GPC6: variants seen among roughly 807,000 people sequenced by gnomAD.
GPC6 encodes the protein glypican 6.
GPC6 carries 14 observed loss-of-function variants against 55.2 expected under a neutral mutation model. That is an observed-to-expected ratio of 0.25 (90% CI 0.17 to 0.40). The LOEUF (loss-of-function observed/expected upper bound fraction) is 0.40. GPC6 is among the 10% of genes least tolerant of loss of function. The pLI is 1.00. For missense variants in GPC6, 641 were observed against 708.5 expected (o/e 0.90, Z 1.08); for synonymous variants, 278 against 259.6 (o/e 1.07, Z -0.68).
intron 2 of GPC6, among the ~76,000 whole-genome samples, chr13:93,779,303 A>G (rs1162854109): frequency 6.6e-6 from 1 of 152,142 alleles, no homozygotes; most frequent in Non-Finnish European, 1.5e-5. Context: ...TATTTTTTGT[A>G]TAAGAAAAAT....
intron 4 of GPC6, among the ~76,000 whole-genome samples, chr13:94,261,839 A>G (rs1000870163): frequency 2.6e-5 from 4 of 152,232 alleles, no homozygotes; most frequent in Admixed American, 6.5e-5. Context: ...CCAAAACCAG[A>G]TGAATATGAA....
chr13:93,406,364 C>T (rs1876290442), intron 1 of GPC6, among the ~76,000 whole-genome samples: 1 of 152,138 alleles, frequency 6.6e-6, no homozygotes, highest in Admixed American at 6.6e-5. Flanking sequence ...GCCATCTGGA[C>T]TCTGCAGTGA....
intron 4 of GPC6, among the ~76,000 whole-genome samples, chr13:94,030,943 T>G (rs1883099764): frequency 1.3e-5 from 2 of 152,188 alleles, no homozygotes; most frequent in Non-Finnish European, 2.9e-5. Context: ...GAAAGTTAAG[T>G]GTTTTAAGCA....
chr13:93,596,725 AGT>A (rs1308198080), intron 2 of GPC6, among the ~76,000 whole-genome samples: 47 of 148,158 alleles, frequency 3.2e-4, no homozygotes, highest in Non-Finnish European at 5.9e-4. Context: ...CACATATATA[AGT>A]GTATATGCAT....
At chr13:94,151,049 G>A (rs1887721797) in intron 4 of GPC6, among the ~76,000 whole-genome samples, 1 of 151,766 alleles carries the variant, frequency 6.6e-6, no homozygotes, top group African/African-American at 2.4e-5. Context: ...ATAACATAAG[G>A]AAACTAAAGC....
At chr13:94,000,557 A>G (rs1031182653) in intron 3 of GPC6, among the ~76,000 whole-genome samples, 1 of 152,146 alleles carries the variant, frequency 6.6e-6, no homozygotes, top group Non-Finnish European at 1.5e-5. Flanking sequence ...CATGAATGTA[A>G]ATTTTATTCC....
intron 2 of GPC6, among the ~76,000 whole-genome samples, chr13:93,696,890 C>G (rs1341830006): frequency 2.6e-5 from 4 of 152,034 alleles, no homozygotes; most frequent in Non-Finnish European, 1.5e-5. Flanking sequence ...TCCCAAAGTG[C>G]TAGGATTACA....
chr13:93,699,060 T>C (rs776183075), intron 2 of GPC6, among the ~76,000 whole-genome samples: 2 of 152,088 alleles, frequency 1.3e-5, no homozygotes, highest in African/African-American at 4.8e-5. Flanking sequence ...TCCATGAGAA[T>C]TGACTGTTCA....
chr13:93,884,271 T>C (rs886905022), intron 3 of GPC6, among the ~76,000 whole-genome samples: 13 of 152,118 alleles, frequency 8.5e-5, no homozygotes, highest in African/African-American at 2.9e-4. Flanking sequence ...ATGGCCGTTG[T>C]CTTACTATAT....
intron 2 of GPC6, among the ~76,000 whole-genome samples, chr13:93,790,754 C>A (rs1307722710): frequency 2.2e-4 from 34 of 152,124 alleles, no homozygotes. Flanking sequence ...ACAGCATATT[C>A]ACATGTTATA....
At chr13:94,031,658 G>T (rs903798910) in intron 4 of GPC6, among the ~76,000 whole-genome samples, 2 of 152,158 alleles carry the variant, frequency 1.3e-5, no homozygotes, top group Admixed American at 1.3e-4. Context: ...TTTGCATGCT[G>T]CCCAAATGCA....
intron 1 of GPC6, among the ~76,000 whole-genome samples, chr13:93,326,946 T>G (rs1879679497): frequency 6.6e-6 from 1 of 152,214 alleles, no homozygotes; most frequent in Non-Finnish European, 1.5e-5. Context: ...GAGCCTGCAC[T>G]AAAAAGCTGT....
intron 2 of GPC6, among the ~76,000 whole-genome samples, chr13:93,731,749 T>A (rs1213067014): frequency 6.6e-6 from 1 of 152,104 alleles, no homozygotes; most frequent in East Asian, 1.9e-4. Context: ...TATGGAATAT[T>A]CACATAAAGG....
intron 6 of GPC6, among the ~76,000 whole-genome samples, chr13:94,312,436 C>T (rs1388496452): frequency 6.6e-6 from 1 of 152,170 alleles, no homozygotes; most frequent in Non-Finnish European, 1.5e-5. Context: ...AATGTTCTTC[C>T]ATGCCTCTTT....
At chr13:93,754,234 T>C (rs1375867039) in intron 2 of GPC6, among the ~76,000 whole-genome samples, 2 of 152,210 alleles carry the variant, frequency 1.3e-5, no homozygotes, top group Non-Finnish European at 2.9e-5. Flanking sequence ...ACTGGAGATA[T>C]TTATATTAGC....
chr13:93,522,770 G>C (rs192749807), intron 1 of GPC6, among the ~76,000 whole-genome samples: 130 of 151,896 alleles, frequency 8.6e-4, no homozygotes, highest in African/African-American at 2.9e-3. Context: ...CATTTTTTTG[G>C]CTATCAAATT....
At chr13:93,274,771 T>A (rs1187682904) in intron 1 of GPC6, among the ~76,000 whole-genome samples, 1 of 152,180 alleles carries the variant, frequency 6.6e-6, no homozygotes, top group Non-Finnish European at 1.5e-5. Flanking sequence ...GTGCAAAAAA[T>A]ATATCCACTG....
At chr13:94,359,738 C>CT (rs969020218) in intron 6 of GPC6, among the ~76,000 whole-genome samples, 2 of 152,090 alleles carry the variant, frequency 1.3e-5, no homozygotes, top group African/African-American at 2.4e-5. Context: ...CAGAAAGCCC[C>CT]TGGCGTTTGA....
chr13:93,874,694 G>A (rs1281830809), intron 3 of GPC6, among the ~76,000 whole-genome samples: 1 of 150,734 alleles, frequency 6.6e-6, no homozygotes, highest in Non-Finnish European at 1.5e-5. Flanking sequence ...AGGTCTCATG[G>A]ACACACTAAA....
Sources: gnomAD v4.1 joint callset for allele counts (sites outside exome capture counted in the v4.1 genomes callset) on GRCh38, gnomAD v4.1.1 for gene constraint, MANE v1.5 for transcripts, NCBI Gene and HGNC (gene_info 2026-07-23, HGNC 2026-07-21) for gene names.